Variants in WWOX observed in about 807,000 individuals in gnomAD.
WWOX encodes the protein WW domain-containing oxidoreductase.
In WWOX, 69 loss-of-function variants were observed where a neutral mutation model predicts 46.2. The ratio of observed to expected loss-of-function variants is 1.49; its 90% CI spans 1.23 to 1.82. The LOEUF (loss-of-function observed/expected upper bound fraction) is 1.82. Ranked by LOEUF, WWOX falls within the 40% of genes most tolerant of loss-of-function variation. The pLI, the probability that WWOX is intolerant of heterozygous loss-of-function variation, is 0.00. For missense variants in WWOX, 919 were observed against 542.6 expected (o/e 1.69, Z -6.89); for synonymous variants, 359 against 202.6 (o/e 1.77, Z -6.56).
intron 8 of WWOX, among the ~76,000 whole-genome samples, chr16:78,774,734 A>G (rs1354302723): frequency 6.6e-6 from 1 of 151,986 alleles, no homozygotes; most frequent in Non-Finnish European, 1.5e-5. Flanking sequence ...ACACACACAT[A>G]CACACACATG....
intron 5 of WWOX, among the ~76,000 whole-genome samples, chr16:78,288,439 G>A (rs1435606218): frequency 1.3e-5 from 2 of 152,090 alleles, no homozygotes; most frequent in Non-Finnish European, 2.9e-5. Flanking sequence ...TGTTGTGGTG[G>A]CAGTGGTGGC....
intron 8 of WWOX, among the ~76,000 whole-genome samples, chr16:78,768,279 T>TTAAAAAAAACAAAA (rs1309673439): frequency 1.1e-5 from 1 of 91,958 alleles, no homozygotes; most frequent in African/African-American, 4.0e-5. Flanking sequence ...ATAGATGAGT[T>TTAAAAAAAACAAAA]AAAAAAAAAA....
At position 78,766,088 on chromosome 16, in the gene WWOX, T is replaced by C. The variant is rs78263098; in HGVS notation, c.1056+333336T>C. On this transcript the variant is annotated intron_variant, in intron 8 of 8. Coordinates refer to ENST00000566780, the MANE Select transcript of WWOX (RefSeq NM_016373.4). ...TTCCAAAGGAGTGGGACGGGGTGAA[T>C]GATTTGTGGTCAGAGGTGTGGTCAC... 1.8e-3 allele frequency among the ~76,000 whole-genome samples: 281 copies of C among 152,124 alleles called. 8 individuals are homozygous for C. The East Asian group carries it at 0.047, about 25-fold the overall frequency.
At chr16:78,856,490 A>G (rs2052569773) in intron 8 of WWOX, among the ~76,000 whole-genome samples, 1 of 152,136 alleles carries the variant, frequency 6.6e-6, no homozygotes, top group South Asian at 2.1e-4. Context: ...TAAAAATACA[A>G]AAATCAGCTG....
At chr16:78,261,255 G>A (rs11150052) in intron 5 of WWOX, among the ~76,000 whole-genome samples, 96,104 of 149,746 alleles carry the variant, frequency 0.64, 32,523 homozygotes, top group East Asian at 0.87. Flanking sequence ...ATTTTAATGT[G>A]TGGTAAGGTA....
At chr16:78,961,040 A>C (rs1281594235) in intron 8 of WWOX, among the ~76,000 whole-genome samples, 1 of 152,114 alleles carries the variant, frequency 6.6e-6, no homozygotes, top group East Asian at 1.9e-4. Flanking sequence ...TCAGCTCCAT[A>C]CATCTGGGCA....
intron 8 of WWOX, among the ~76,000 whole-genome samples, chr16:78,736,104 T>G: frequency 6.6e-6 from 1 of 152,130 alleles, no homozygotes; most frequent in Non-Finnish European, 1.5e-5. Context: ...GGGACAAATG[T>G]GTGACAGGTG....
chr16:79,167,097 C>G (rs143252486), intron 8 of WWOX, among the ~76,000 whole-genome samples: 5 of 152,150 alleles, frequency 3.3e-5, no homozygotes, highest in African/African-American at 1.2e-4. Flanking sequence ...TGTGCTACCA[C>G]GGCCGGCTAA....
At chr16:78,413,772 G>T (rs923409164) in intron 6 of WWOX, among the ~76,000 whole-genome samples, 2 of 152,002 alleles carry the variant, frequency 1.3e-5, no homozygotes, top group Non-Finnish European at 2.9e-5. Context: ...CTCAGTTCCT[G>T]GGTGGGGGCC....
chr16:78,099,703 T>TGGAGCGGGAGTGAGTTCC lies in WWOX; in HGVS notation c.-75_-58dup. On this transcript the variant is annotated 5_prime_UTR_variant, in exon 1 of 9. Coordinates refer to ENST00000566780, the MANE Select transcript of WWOX (RefSeq NM_016373.4). ...GGCCCCGACGCGCGCGGGTCTCGTT[T>TGGAGCGGGAGTGAGTTCC]GGAGCGGGAGTGAGTTCCTGAGCGA... 2 of 1,469,944 alleles carry TGGAGCGGGAGTGAGTTCC rather than the reference T, an allele frequency of 1.4e-6. No individual in the cohort carries two copies. The highest frequency in any genetic ancestry group is 9.0e-7 in the Non-Finnish European group (1 of 1,110,806). The allele number at this position is 1,469,944 out of a possible 1,614,324, so 91.1% of individuals were successfully genotyped here.
chr16:79,144,819 C>A (rs879218786), intron 8 of WWOX, among the ~76,000 whole-genome samples: 1 of 152,078 alleles, frequency 6.6e-6, no homozygotes, highest in East Asian at 1.9e-4. Context: ...GAGAGAGAGA[C>A]CACATTTATG....
rs1224577009 is a variant in WWOX, at chr16:78,243,620, C to T, written c.516+79331C>T. ...GGAATGCAGTGGCACCATCTTGGCT[C>T]ACTGCAACCTCCACCTCCTGGGTTC... On this transcript the variant is annotated intron_variant, in intron 5 of 8. Transcript: ENST00000566780. 2.0e-5 allele frequency among the ~76,000 whole-genome samples: 3 copies of T among 152,162 alleles called. No homozygotes were observed. The East Asian group carries it at 5.8e-4, about 29-fold the overall frequency.
intron 8 of WWOX, among the ~76,000 whole-genome samples, chr16:79,020,427 T>G (rs2047510754): frequency 6.6e-6 from 1 of 152,192 alleles, no homozygotes; most frequent in South Asian, 2.1e-4. Flanking sequence ...AACCTCTTTG[T>G]GGCTCAGTTT....
chr16:78,519,532 A>T (rs981903048), intron 8 of WWOX, among the ~76,000 whole-genome samples: 2 of 152,012 alleles, frequency 1.3e-5, no homozygotes, highest in African/African-American at 2.4e-5. Flanking sequence ...AGACATACAC[A>T]GATGCATATT....
intron 8 of WWOX, among the ~76,000 whole-genome samples, chr16:79,112,417 C>A (rs959992298): frequency 2.0e-5 from 3 of 152,206 alleles, no homozygotes; most frequent in African/African-American, 7.2e-5. Context: ...GGACCAAGAA[C>A]TGTTGCCAGG....
chr16:78,144,452 T>TATATAC, intron 4 of WWOX, among the ~76,000 whole-genome samples: 1 of 33,414 alleles, frequency 3.0e-5, no homozygotes, highest in South Asian at 9.2e-4. Flanking sequence ...TATATACACA[T>TATATAC]ATATATATAT....
chr16:78,671,177 C>G (rs4421995), intron 8 of WWOX, among the ~76,000 whole-genome samples: 4,871 of 152,256 alleles, frequency 0.032, 211 homozygotes, highest in African/African-American at 0.11. Context: ...AATCCCAGCA[C>G]TTTGGGAGGC....
chr16:78,373,304 C>A (rs891116219), intron 5 of WWOX, among the ~76,000 whole-genome samples: 1 of 152,170 alleles, frequency 6.6e-6, no homozygotes, highest in African/African-American at 2.4e-5. Flanking sequence ...TGACAGTTGG[C>A]TTTGTCTATT....
intron 8 of WWOX, among the ~76,000 whole-genome samples, chr16:78,962,779 C>T (rs1005898488): frequency 6.6e-6 from 1 of 152,174 alleles, no homozygotes; most frequent in Admixed American, 6.5e-5. Flanking sequence ...CCTCAGAAGG[C>T]TCATCTGTTC....
Sources: gnomAD v4.1 joint callset for allele counts (sites outside exome capture counted in the v4.1 genomes callset) on GRCh38, gnomAD v4.1.1 for gene constraint, MANE v1.5 for transcripts, NCBI Gene and HGNC (gene_info 2026-07-23, HGNC 2026-07-21) for gene names.